Variants in SAMSN1 observed in about 807,000 individuals in gnomAD.
SAMSN1 encodes the protein SAM domain, SH3 domain and nuclear localization signals 1.
SAMSN1 carries 31 observed loss-of-function variants against 42.0 expected under a neutral mutation model. That is an observed-to-expected ratio of 0.74 (90% CI 0.55 to 1.00). The LOEUF (loss-of-function observed/expected upper bound fraction) is 1.00. SAMSN1 is among the 50% of genes least tolerant of loss of function. SAMSN1 has a pLI of 0.00. For synonymous variants in SAMSN1, 178 were observed against 151.9 expected (o/e 1.17, Z -1.26); for missense variants, 464 against 439.4 (o/e 1.06, Z -0.50).
intron 1 of SAMSN1, among the ~76,000 whole-genome samples, chr21:14,653,185 G>A (rs193075452): frequency 1.3e-5 from 2 of 151,860 alleles, no homozygotes; most frequent in African/African-American, 4.8e-5. Flanking sequence ...TCACTGCTGG[G>A]TATATACTTC....
chr21:14,601,093 A>G (rs559751079), intron 6 of SAMSN1, among the ~76,000 whole-genome samples: 1 of 152,340 alleles, frequency 6.6e-6, no homozygotes, highest in Admixed American at 6.5e-5. Context: ...GCACAATGCC[A>G]CATAGCTACT....
intron 3 of SAMSN1, among the ~76,000 whole-genome samples, chr21:14,514,336 G>A (rs1987814276): frequency 6.6e-6 from 1 of 152,082 alleles, no homozygotes. Flanking sequence ...TTGGGATCTA[G>A]AATGAACACA....
At chr21:14,583,654 G>A, upstream of SAMSN1, 1 of 717,286 alleles carries the variant, frequency 1.4e-6, no homozygotes, top group South Asian at 1.5e-5. Context: ...ACTTACGGAG[G>A]TTTATTAATG....
intron 2 of SAMSN1, among the ~76,000 whole-genome samples, chr21:14,517,765 ACT>A (rs1987981694): frequency 6.6e-6 from 1 of 152,068 alleles, no homozygotes. Context: ...CAGCCACAAG[ACT>A]CTATATGTCA....
chr21:14,510,496 G>A (rs1987642191), intron 4 of SAMSN1, 35 bp from the exon 5 acceptor site: 18 of 1,611,564 alleles, frequency 1.1e-5, no homozygotes, highest in Non-Finnish European at 1.5e-5. Flanking sequence ...TGTCATGGAA[G>A]ACTTATAACA....
At chr21:14,655,223 A>T (rs532108574) in intron 1 of SAMSN1, among the ~76,000 whole-genome samples, 1 of 152,010 alleles carries the variant, frequency 6.6e-6, no homozygotes, top group South Asian at 2.1e-4. Flanking sequence ...TAGACCTTTC[A>T]TAAGAGAGAA....
chr21:14,500,541 C>A lies in SAMSN1; in HGVS notation c.756G>T (p.Arg252Ser). 6.2e-7 allele frequency: 1 copy of A among 1,613,994 alleles called. No homozygotes were observed. Among genetic ancestry groups the A allele is most frequent in the South Asian group, 1.1e-5 (1 of 91,050 alleles). Reference sequence around the variant, plus strand: ...CAGATTTGCTCACCTGCAGATGAATCCTCTCTAGGAACTCCTGCAGAGTCT... The same window carrying A: ...CAGATTTGCTCACCTGCAGATGAATACTCTCTAGGAACTCCTGCAGAGTCT... ...KSKTLQEFLE[R>S]IHLQEYTSTL... Residue 252 changes from arginine to serine, a missense_variant, in exon 6 of 8, where the codon AGG (arginine) becomes AGT (serine). By Grantham distance (110) the Arg-to-Ser change is moderately radical (BLOSUM62 -1). Transcript: ENST00000400566.
chr21:14,527,344 CAGTT>C (rs1335470566), intron 1 of SAMSN1, among the ~76,000 whole-genome samples: 4 of 152,292 alleles, frequency 2.6e-5, no homozygotes, highest in Non-Finnish European at 5.9e-5. Flanking sequence ...TTAAAATAAT[CAGTT>C]AGAATTGCCT....
chr21:14,603,319 G>A (rs1040739854), intron 5 of SAMSN1, among the ~76,000 whole-genome samples: 1 of 152,108 alleles, frequency 6.6e-6, no homozygotes, highest in Non-Finnish European at 1.5e-5. Flanking sequence ...CTAGAATCTG[G>A]AATCAAGCTG....
At chr21:14,579,008 C>A (rs1185380763) in intron 2 of SAMSN1, among the ~76,000 whole-genome samples, 2 of 152,018 alleles carry the variant, frequency 1.3e-5, no homozygotes, top group Non-Finnish European at 2.9e-5. Context: ...TAAATAATAA[C>A]CCTGCAATTA....
At chr21:14,588,001 GT>G (rs1981975370), upstream of SAMSN1, among the ~76,000 whole-genome samples, 1 of 134,472 alleles carries the variant, frequency 7.4e-6, no homozygotes, top group Non-Finnish European at 1.6e-5. Context: ...GCGGTGTTTG[GT>G]TTTTTGTTCT....
intron 7 of SAMSN1, among the ~76,000 whole-genome samples, chr21:14,593,373 A>C (rs77760697): frequency 6.6e-6 from 1 of 152,098 alleles, no homozygotes; most frequent in African/African-American, 2.4e-5. Context: ...GTTTCATATC[A>C]ATAATGCTAT....
chr21:14,496,504 A>T (rs1986920899), intron 7 of SAMSN1: 1 of 152,254 alleles, frequency 6.6e-6, no homozygotes. Context: ...TGGCAATGAC[A>T]CTGGACATTG....
chr21:14,500,436 A>G (rs1183877484), intron 6 of SAMSN1, 93 bp downstream of exon 6: 8 of 1,036,408 alleles, frequency 7.7e-6, no homozygotes, highest in South Asian at 1.4e-5. Context: ...CAAGACTTGT[A>G]TTTTTAAGCA....
intron 2 of SAMSN1, among the ~76,000 whole-genome samples, chr21:14,637,320 G>A (rs1202755507): frequency 6.6e-6 from 1 of 152,066 alleles, no homozygotes; most frequent in Non-Finnish European, 1.5e-5. Flanking sequence ...TTAGAAACAA[G>A]CATACAAAAA....
chr21:14,640,966 C>T (rs1369246211), intron 2 of SAMSN1, among the ~76,000 whole-genome samples: 11 of 151,354 alleles, frequency 7.3e-5, no homozygotes, highest in Non-Finnish European at 1.5e-4. Context: ...TTTTAGTCGA[C>T]TAGTTGGCCA....
upstream of SAMSN1, among the ~76,000 whole-genome samples, chr21:14,584,503 T>G (rs573897027): frequency 1.3e-5 from 2 of 152,328 alleles, no homozygotes; most frequent in South Asian, 4.1e-4. Context: ...GAATTTGTAT[T>G]TATACAGCTT....
chr21:14,618,681 T>C (rs201004117), intron 2 of SAMSN1, among the ~76,000 whole-genome samples: 4 of 79,966 alleles, frequency 5.0e-5, no homozygotes, highest in African/African-American at 2.7e-4. Context: ...TGTGTGTGTG[T>C]GTGTGTGTGT....
intron 7 of SAMSN1, among the ~76,000 whole-genome samples, chr21:14,489,739 T>A (rs1166365603): frequency 1.3e-5 from 2 of 152,124 alleles, no homozygotes; most frequent in Non-Finnish European, 2.9e-5. Flanking sequence ...AATTTGCATA[T>A]TAAAATAATT....
Sources: gnomAD v4.1 joint callset for allele counts (sites outside exome capture counted in the v4.1 genomes callset) on GRCh38, gnomAD v4.1.1 for gene constraint, MANE v1.5 for transcripts, NCBI Gene and HGNC (gene_info 2026-07-23, HGNC 2026-07-21) for gene names.